C8orf34: variants seen among roughly 807,000 people sequenced by gnomAD.
C8orf34 encodes uncharacterized protein C8orf34.
A neutral mutation model predicts 68.3 loss-of-function variants in C8orf34; 65 were observed. The observed-to-expected ratio is 0.95, with a 90% CI of 0.78 to 1.17. The LOEUF (loss-of-function observed/expected upper bound fraction) is 1.17, where lower values mean the gene tolerates loss of function less well. C8orf34 is among the 50% of genes most tolerant of loss of function. The pLI is 0.00. For missense variants in C8orf34, 664 were observed against 655.4 expected (o/e 1.01, Z -0.14); for synonymous variants, 244 against 241.2 (o/e 1.01, Z -0.11).
intron 10 of C8orf34, among the ~76,000 whole-genome samples, chr8:68,744,390 CT>C (rs1192442601): frequency 1.3e-5 from 2 of 152,110 alleles, no homozygotes; most frequent in African/African-American, 4.8e-5. Context: ...CGGAGAATGA[CT>C]TTGACGAGCT....
At chr8:68,384,922 A>G (rs1563395316) in intron 1 of C8orf34, among the ~76,000 whole-genome samples, 2 of 152,220 alleles carry the variant, frequency 1.3e-5, no homozygotes, top group African/African-American at 2.4e-5. Context: ...TAGATTTTCT[A>G]TCAAAGAGGA....
chr8:68,498,468 A>G (rs982377211), intron 5 of C8orf34, among the ~76,000 whole-genome samples: 1 of 152,226 alleles, frequency 6.6e-6, no homozygotes, highest in Admixed American at 6.5e-5. Context: ...CTAAGCCATT[A>G]TCGATAGTGA....
intron 8 of C8orf34, among the ~76,000 whole-genome samples, chr8:68,647,639 G>C (rs1563584039): frequency 6.6e-6 from 1 of 152,164 alleles, no homozygotes; most frequent in Non-Finnish European, 1.5e-5. Context: ...AGAAATTAGG[G>C]CTACGTTAAA....
chr8:68,676,142 T>G (rs1473646244), intron 8 of C8orf34, among the ~76,000 whole-genome samples: 1 of 152,046 alleles, frequency 6.6e-6, no homozygotes, highest in East Asian at 1.9e-4. Context: ...TAAGACCAGG[T>G]GGGCAACATG....
intron 1 of C8orf34, among the ~76,000 whole-genome samples, chr8:68,406,285 G>A (rs575582381): frequency 1.1e-3 from 160 of 152,220 alleles, no homozygotes; most frequent in African/African-American, 3.6e-3. Flanking sequence ...ATTATCAAGA[G>A]TTGAAGATAG....
chr8:68,420,772 G>T (rs141898755), intron 1 of C8orf34, among the ~76,000 whole-genome samples: 1 of 151,592 alleles, frequency 6.6e-6, no homozygotes, highest in Non-Finnish European at 1.5e-5. Context: ...CTCAAAATAC[G>T]GGCTTAATAG....
chr8:68,574,716 A>G (rs1816852967), intron 7 of C8orf34, among the ~76,000 whole-genome samples: 1 of 152,092 alleles, frequency 6.6e-6, no homozygotes, highest in Admixed American at 6.6e-5. Flanking sequence ...ATAAGAGGTT[A>G]CTATTCTACT....
chr8:68,668,231 A>T (rs1002964474), intron 8 of C8orf34, among the ~76,000 whole-genome samples: 1 of 152,160 alleles, frequency 6.6e-6, no homozygotes, highest in East Asian at 1.9e-4. Flanking sequence ...TTTGGTTCTA[A>T]GTACCAAGTT....
At chr8:68,333,850 T>G (rs529265358) in intron 1 of C8orf34, among the ~76,000 whole-genome samples, 2 of 152,340 alleles carry the variant, frequency 1.3e-5, no homozygotes, top group South Asian at 4.1e-4. Context: ...TATGCTTTGT[T>G]GTGTTGAGTC....
At chr8:68,730,424 G>A (rs569244133) in intron 10 of C8orf34, among the ~76,000 whole-genome samples, 1 of 152,240 alleles carries the variant, frequency 6.6e-6, no homozygotes, top group South Asian at 2.1e-4. Flanking sequence ...TAGTAGGCAA[G>A]TTATCTAACC....
At position 68,468,226 on chromosome 8, in the gene C8orf34, G is replaced by GA. The variant is rs150369106; in HGVS notation, c.608-459dup. Among the ~76,000 whole-genome samples the GA allele has an allele frequency of 4.3e-3, 657 of 151,918 alleles. 8 individuals carry two copies. Among genetic ancestry groups the GA allele is most frequent in the African/African-American group, 0.015 (625 of 41,476 alleles). ...ACACTTGTTCAACTAATTCTTTGAG[G>GA]AAAAAAATCCCTTCACTGTAATGTA... On this transcript the variant is annotated intron_variant, in intron 3 of 13. Transcript: ENST00000518698.
intron 1 of C8orf34, among the ~76,000 whole-genome samples, chr8:68,377,558 C>T (rs1807856711): frequency 6.6e-6 from 1 of 152,144 alleles, no homozygotes; most frequent in Non-Finnish European, 1.5e-5. Context: ...GATTCTGCTA[C>T]TCTCAGTAAT....
intron 12 of C8orf34, among the ~76,000 whole-genome samples, chr8:68,797,550 A>AAT: frequency 2.0e-5 from 3 of 152,022 alleles, no homozygotes; most frequent in Middle Eastern, 6.8e-3. Context: ...TTTAAAAAAA[A>AAT]AAAAGTTTCT....
intron 7 of C8orf34, among the ~76,000 whole-genome samples, chr8:68,629,356 C>G (rs1563572952): frequency 6.6e-6 from 1 of 152,200 alleles, no homozygotes; most frequent in African/African-American, 2.4e-5. Context: ...GAAGCCTGTT[C>G]AGATGGCACA....
intron 7 of C8orf34, among the ~76,000 whole-genome samples, chr8:68,579,291 T>A (rs1165374633): frequency 6.6e-6 from 1 of 152,176 alleles, no homozygotes; most frequent in Non-Finnish European, 1.5e-5. Context: ...GAGCAGAATT[T>A]AAAAATTTGC....
chr8:68,808,455 A>C (rs2129529834), intron 12 of C8orf34, among the ~76,000 whole-genome samples: 2 of 152,164 alleles, frequency 1.3e-5, no homozygotes, highest in South Asian at 4.1e-4. Context: ...TGTACCATAT[A>C]AAATGGTTTC....
intron 4 of C8orf34, among the ~76,000 whole-genome samples, chr8:68,481,648 A>C (rs1043245315): frequency 6.6e-6 from 1 of 152,210 alleles, no homozygotes; most frequent in African/African-American, 2.4e-5. Context: ...CCTGGAGTTA[A>C]AGGAGATCAT....
chr8:68,633,011 G>T (rs538394616), intron 7 of C8orf34, among the ~76,000 whole-genome samples: 1 of 152,274 alleles, frequency 6.6e-6, no homozygotes, highest in Non-Finnish European at 1.5e-5. Context: ...TGCAGGAAAT[G>T]GCTTCAGATT....
intron 1 of C8orf34, among the ~76,000 whole-genome samples, chr8:68,406,335 G>A (rs772891800): frequency 7.2e-5 from 11 of 152,224 alleles, no homozygotes; most frequent in South Asian, 2.1e-4. Flanking sequence ...TCTGAGTGAT[G>A]TACTAGAAGG....
Sources: allele counts gnomAD v4.1 joint callset (sites outside exome capture counted in the v4.1 genomes callset), GRCh38; gene constraint gnomAD v4.1.1; transcripts MANE v1.5; gene names NCBI Gene and HGNC (gene_info 2026-07-23, HGNC 2026-07-21).